The following ZNF609 variants were observed in gnomAD, a reference collection of about 807,000 sequenced individuals.
The protein encoded by ZNF609 is zinc finger protein 609.
Under a neutral mutation model 109.5 loss-of-function variants are expected in ZNF609, and 11 were observed. The observed-to-expected ratio is 0.10, with a 90% CI of 0.06 to 0.17. The LOEUF (loss-of-function observed/expected upper bound fraction) is 0.17, where lower values mean the gene tolerates loss of function less well. Among genes scored for constraint, ZNF609 ranks in the 10% least tolerant of loss-of-function variants. The pLI is 1.00. For synonymous variants in ZNF609, 646 were observed against 662.0 expected (o/e 0.98, Z 0.37); for missense variants, 1,559 against 1,772.4 (o/e 0.88, Z 2.16).
chr15:64,562,732 A>C (rs1375176974), intron 2 of ZNF609, among the ~76,000 whole-genome samples: 3 of 78,778 alleles, frequency 3.8e-5, no homozygotes, highest in Non-Finnish European at 3.7e-5. Flanking sequence ...TTTAAAGAAG[A>C]AGCCAGCCAA....
At chr15:64,537,502 CAA>C (rs546622262) in intron 2 of ZNF609, among the ~76,000 whole-genome samples, 6 of 84,528 alleles carry the variant, frequency 7.1e-5, no homozygotes, top group Admixed American at 1.4e-4. Context: ...AACTCTGTCT[CAA>C]AAAAAAAAAA....
intron 3 of ZNF609, among the ~76,000 whole-genome samples, chr15:64,639,024 C>T (rs1376448625): frequency 1.3e-5 from 2 of 152,142 alleles, no homozygotes; most frequent in African/African-American, 4.8e-5. Context: ...CTTTAGGAGG[C>T]CAAGGCAGAA....
chr15:64,525,928 A>G (rs1893962131), intron 2 of ZNF609, among the ~76,000 whole-genome samples: 3 of 151,750 alleles, frequency 2.0e-5, no homozygotes, highest in Admixed American at 2.0e-4. Flanking sequence ...AACTGGGACT[A>G]CAGGTGCACG....
chr15:64,545,498 C>G (rs1407787783), intron 2 of ZNF609, among the ~76,000 whole-genome samples: 1 of 152,130 alleles, frequency 6.6e-6, no homozygotes, highest in African/African-American at 2.4e-5. Context: ...CACACTTCGC[C>G]AGGATTTTTA....
In ZNF609 at chr15:64,636,558, T is replaced by A. The variant is rs145924453; in HGVS notation, c.973+13506T>A. 2.0e-5 allele frequency among the ~76,000 whole-genome samples: 3 copies of A among 152,394 alleles called. No individual in the cohort carries two copies. The East Asian group carries it at 5.8e-4, about 29-fold the overall frequency. Reference sequence around the variant, plus strand: ...TTATCCCTACCTTTTGAAAATTTTCTAGATCATTCAATATACTTGAAATAT... The same window carrying A: ...TTATCCCTACCTTTTGAAAATTTTCAAGATCATTCAATATACTTGAAATAT... On this transcript the variant is annotated intron_variant, in intron 3 of 9. Coordinates refer to ENST00000326648, the MANE Select transcript of ZNF609 (RefSeq NM_015042.2).
chr15:64,558,289 C>A (rs1448135198), intron 2 of ZNF609, among the ~76,000 whole-genome samples: 1 of 88,492 alleles, frequency 1.1e-5, no homozygotes, highest in East Asian at 2.2e-4. Flanking sequence ...CCCCCACCTC[C>A]TACCTGGGTT....
chr15:64,471,670 G>A (rs183275958), intron 1 of ZNF609, among the ~76,000 whole-genome samples: 74 of 152,180 alleles, frequency 4.9e-4, no homozygotes, highest in Non-Finnish European at 8.8e-4. Context: ...CGCAACTTCC[G>A]CCTCCCGGTT....
chr15:64,514,708 G>T (rs1893782144), intron 2 of ZNF609, among the ~76,000 whole-genome samples: 1 of 151,724 alleles, frequency 6.6e-6, no homozygotes, highest in Non-Finnish European at 1.5e-5. Flanking sequence ...GCGCGATCTG[G>T]ATTCACTGCA....
rs34889677 is a variant in ZNF609, at chr15:64,522,971, T to TA, written c.747+22820dup. ...GATTTAACTTTTAATACATTGTGGT[T>TA]AAAAAAAAAAAAAAAGGAAATTTTG... On this transcript the variant is annotated intron_variant, in intron 2 of 9. Coordinates refer to ENST00000326648, the MANE Select transcript of ZNF609 (RefSeq NM_015042.2). Among the ~76,000 whole-genome samples, 736 of 146,466 alleles carry TA rather than the reference T, an allele frequency of 5.0e-3. 6 individuals carry two copies. Among genetic ancestry groups the TA allele is most frequent in the African/African-American group, 0.017 (696 of 39,944 alleles).
chr15:64,631,487 T>G, intron 3 of ZNF609: 1 of 710,212 alleles, frequency 1.4e-6, no homozygotes, highest in South Asian at 1.4e-5. Flanking sequence ...ATCACCTTTC[T>G]TATAGATTCG....
At chr15:64,545,990 G>C (rs537370357) in intron 2 of ZNF609, among the ~76,000 whole-genome samples, 1 of 152,162 alleles carries the variant, frequency 6.6e-6, no homozygotes, top group Admixed American at 6.5e-5. Flanking sequence ...TTTGTGGATA[G>C]AGGGTTTTAT....
At chr15:64,544,986 T>C (rs1894331930) in intron 2 of ZNF609, among the ~76,000 whole-genome samples, 1 of 152,224 alleles carries the variant, frequency 6.6e-6, no homozygotes, top group Non-Finnish European at 1.5e-5. Flanking sequence ...GAGAAAACTG[T>C]GTACCTGTCA....
intron 2 of ZNF609, among the ~76,000 whole-genome samples, chr15:64,529,847 C>G (rs1894032407): frequency 6.6e-6 from 1 of 152,244 alleles, no homozygotes; most frequent in Non-Finnish European, 1.5e-5. Context: ...TCTCCTGCCT[C>G]AGCCTCCTGC....
chr15:64,631,895 T>G (rs1478909527), intron 3 of ZNF609: 1 of 156,500 alleles, frequency 6.4e-6, no homozygotes, highest in Non-Finnish European at 1.4e-5. Context: ...GGTGCCTCTC[T>G]TCTTAACCTT....
intron 2 of ZNF609, among the ~76,000 whole-genome samples, chr15:64,535,042 A>G (rs1000709271): frequency 1.3e-5 from 2 of 150,010 alleles, no homozygotes; most frequent in African/African-American, 4.9e-5. Context: ...TCCGTCTCCA[A>G]AAAAAAAAAA....
At chr15:64,542,089 G>C (rs115687616) in intron 2 of ZNF609, among the ~76,000 whole-genome samples, 1 of 151,982 alleles carries the variant, frequency 6.6e-6, no homozygotes, top group East Asian at 1.9e-4. Context: ...TTTGAGACCA[G>C]TCTGGGCAAC....
chr15:64,606,254 C>T (rs570650876), intron 2 of ZNF609, among the ~76,000 whole-genome samples: 44 of 151,514 alleles, frequency 2.9e-4, no homozygotes, highest in Middle Eastern at 3.4e-3. Context: ...TGCAAGGACC[C>T]GCCACCATGC....
At chr15:64,489,038 A>G (rs1017187697) in intron 1 of ZNF609, among the ~76,000 whole-genome samples, 5 of 152,102 alleles carry the variant, frequency 3.3e-5, no homozygotes, top group Non-Finnish European at 7.4e-5. Context: ...CAGGAGGTCA[A>G]GACTGCAGTG....
Position 64,607,877 on chromosome 15 carries a change from TTC to T in ZNF609, c.748-14948_748-14947del, listed in dbSNP as rs1567027776. 7.8e-3 allele frequency among the ~76,000 whole-genome samples: 219 copies of T among 28,046 alleles called. 2 individuals are homozygous for T. The highest frequency in any genetic ancestry group is 0.013 in the African/African-American group (174 of 12,984). The allele number at this position is 28,046 out of a possible 152,430, so 18.4% of individuals were successfully genotyped here. A position where few individuals can be genotyped will look rare whatever the true frequency, so the allele number is the denominator to read the frequency against. On this transcript the variant is annotated intron_variant, in intron 2 of 9. Transcript: ENST00000326648. ...TTTCTTTCTTTCTTTCTTTCTTTCT[TTC>T]TTCTTTCTTTTCTTTCTTTTTTTTT...
Sources: allele counts gnomAD v4.1 joint callset (sites outside exome capture counted in the v4.1 genomes callset), GRCh38; gene constraint gnomAD v4.1.1; transcripts MANE v1.5; gene names NCBI Gene and HGNC (gene_info 2026-07-23, HGNC 2026-07-21).